Variants in GRM7 observed in about 807,000 individuals in gnomAD.
GRM7 encodes glutamate metabotropic receptor 7, also known as metabotropic glutamate receptor 7.
A neutral mutation model predicts 84.5 loss-of-function variants in GRM7; 35 were observed. The observed-to-expected ratio is 0.41, with a 90% CI of 0.32 to 0.55. The LOEUF is 0.55. Ranked by LOEUF, GRM7 falls within the 20% of genes least tolerant of loss-of-function variation. GRM7 has a pLI of 0.19. For synonymous variants in GRM7, 487 were observed against 455.1 expected (o/e 1.07, Z -0.89); for missense variants, 1,003 against 1,194.6 (o/e 0.84, Z 2.36).
chr3:7,461,528 G>A (rs1174286834), intron 6 of GRM7, 55 bp from the exon 7 acceptor site: 26 of 1,423,102 alleles, frequency 1.8e-5, no homozygotes, highest in Non-Finnish European at 2.5e-5. Context: ...TAGTACAAGA[G>A]ATATAAGGAA....
At chr3:7,592,032 TA>T (rs1170611578) in intron 8 of GRM7, among the ~76,000 whole-genome samples, 1 of 152,166 alleles carries the variant, frequency 6.6e-6, no homozygotes, top group Non-Finnish European at 1.5e-5. Flanking sequence ...ATTTGTCTCA[TA>T]AGGTTTTCAT....
At position 7,325,971 on chromosome 3, in the gene GRM7, A is replaced by G. The variant is rs985755739; in HGVS notation, c.1033+19319A>G. Among the ~76,000 whole-genome samples the G allele has an allele frequency of 5.9e-5, 9 of 152,262 alleles. No homozygotes were observed. The South Asian group carries it at 1.2e-3, about 21-fold the overall frequency. Reference sequence around the variant, plus strand: ...GAATGTGTGTTTCATCGTAATGAGTAACTACTTAAGGAAGCATCCATAATA... The same window carrying G: ...GAATGTGTGTTTCATCGTAATGAGTGACTACTTAAGGAAGCATCCATAATA... On this transcript the variant is annotated intron_variant, in intron 4 of 9. Transcript: ENST00000357716.
intron 2 of GRM7, 99 bp from the exon 3 acceptor site, chr3:7,298,585 A>C: frequency 1.1e-6 from 1 of 944,590 alleles, no homozygotes; most frequent in Non-Finnish European, 1.7e-6. Context: ...GAAGTATTGC[A>C]TATCCGGGAT....
At chr3:7,266,548 G>A (rs1371828817) in intron 2 of GRM7, among the ~76,000 whole-genome samples, 3 of 152,126 alleles carry the variant, frequency 2.0e-5, no homozygotes, top group African/African-American at 4.8e-5. Flanking sequence ...AGCAGTGCCT[G>A]AATACTGTTA....
rs548859956 is a variant in GRM7, at chr3:6,913,639, C to A, written c.519+51732C>A. Among the ~76,000 whole-genome samples, 347 of 152,270 alleles carry A rather than the reference C, an allele frequency of 2.3e-3. 1 individual carries two copies. The highest frequency in any genetic ancestry group is 4.3e-3 in the Non-Finnish European group (292 of 68,014). On this transcript the variant is annotated intron_variant, in intron 1 of 9. Transcript: ENST00000357716. ...CATTTCTGGGTCTAGTTATAATAAA[C>A]CTTTTGGTTTCATTCTTTATTCATA... is the stretch of plus-strand genomic sequence containing the variant.
intron 5 of GRM7, among the ~76,000 whole-genome samples, chr3:7,425,484 A>G (rs1273335646): frequency 6.6e-6 from 1 of 152,176 alleles, no homozygotes; most frequent in Non-Finnish European, 1.5e-5. Context: ...TAGGCCAAAC[A>G]CAAGTCGGCA....
intron 1 of GRM7, among the ~76,000 whole-genome samples, chr3:6,898,815 C>G (rs1026540194): frequency 1.2e-4 from 15 of 120,546 alleles, no homozygotes; most frequent in African/African-American, 6.0e-4. Flanking sequence ...GAGATTCTAT[C>G]TCAAAAAAAC....
chr3:7,075,746 G>A lies in GRM7; in HGVS notation c.520-70706G>A, dbSNP rs186690616. On this transcript the variant is annotated intron_variant, in intron 1 of 9. Transcript: ENST00000357716. ...TCACCATGTTGGCCAGGCTGGTTTC[G>A]AACTCCTGACCTCAGGTGATCTGCC... Among the ~76,000 whole-genome samples the A allele has an allele frequency of 4.8e-3, 730 of 152,076 alleles. 9 individuals carry two copies. Among genetic ancestry groups the A allele is most frequent in the African/African-American group, 0.017 (698 of 41,482 alleles).
At chr3:7,581,571 C>T (rs1459247330) in intron 8 of GRM7, among the ~76,000 whole-genome samples, 2 of 152,050 alleles carry the variant, frequency 1.3e-5, no homozygotes, top group African/African-American at 2.4e-5. Context: ...TGGAAAGTGG[C>T]CAATTATCAA....
chr3:6,968,051 A>G (rs146940464), intron 1 of GRM7, among the ~76,000 whole-genome samples: 23 of 152,358 alleles, frequency 1.5e-4, no homozygotes, highest in African/African-American at 5.5e-4. Flanking sequence ...ACAAAGCACT[A>G]CAAACTGGGT....
intron 2 of GRM7, among the ~76,000 whole-genome samples, chr3:7,272,004 G>C (rs1698882503): frequency 6.6e-6 from 1 of 152,082 alleles, no homozygotes; most frequent in Admixed American, 6.5e-5. Flanking sequence ...GGAGGAAAAG[G>C]CCTATCAGGA....
rs34317607 is a variant in GRM7, at chr3:7,471,208, TA to T, written c.1515+9497del. On this transcript the variant is annotated intron_variant, in intron 7 of 9. Transcript: ENST00000357716. The stretch of plus-strand genomic sequence containing the variant: ...TTGTATTAGTTTTTTATTGCTGCTG[TA>T]AAAAAAAAAATTACCGCTAATTTAG... Among the ~76,000 whole-genome samples the T allele has an allele frequency of 3.7e-3, 545 of 148,642 alleles. 4 individuals are homozygous for T. The highest frequency in any genetic ancestry group is 0.012 in the African/African-American group (490 of 40,602).
intron 1 of GRM7, among the ~76,000 whole-genome samples, chr3:7,046,480 A>G (rs1446000876): frequency 6.6e-6 from 1 of 152,156 alleles, no homozygotes; most frequent in Non-Finnish European, 1.5e-5. Flanking sequence ...ATAGTGGGAC[A>G]ATGAACTCAT....
chr3:7,207,076 G>A (rs1309054849), intron 2 of GRM7, among the ~76,000 whole-genome samples: 1 of 152,166 alleles, frequency 6.6e-6, no homozygotes, highest in Non-Finnish European at 1.5e-5. Flanking sequence ...AAGAGAAATA[G>A]AAGAAAACAG....
intron 9 of GRM7, among the ~76,000 whole-genome samples, chr3:7,699,928 A>G (rs1012376904): frequency 7.9e-5 from 12 of 152,260 alleles, no homozygotes; most frequent in South Asian, 2.1e-4. Flanking sequence ...TGAAACAAAC[A>G]TCTTCCCATC....
chr3:7,088,607 A>G (rs1468386865), intron 1 of GRM7, among the ~76,000 whole-genome samples: 1 of 148,754 alleles, frequency 6.7e-6, no homozygotes, highest in Non-Finnish European at 1.5e-5. Context: ...AAAAACAAAC[A>G]TGGATCGTTG....
rs34132725 is a variant in GRM7 at position 6,878,378 on chromosome 3, CGTGTGTGTGT to C, written c.519+16500_519+16509del. Among the ~76,000 whole-genome samples, 11 of 142,056 alleles carry C rather than the reference CGTGTGTGTGT, an allele frequency of 7.7e-5. 1 individual carries two copies. Among genetic ancestry groups the C allele is most frequent in the African/African-American group, 2.1e-4 (8 of 38,394 alleles). 93.2% of individuals were successfully genotyped at this position (142,056 alleles called of 152,430 possible). On this transcript the variant is annotated intron_variant, in intron 1 of 9. Transcript: ENST00000357716. ...CAAAGGGTGATTTTTTATGTGTTTG[CGTGTGTGTGT>C]GTGTGTGTGTGTGTGTGTGTGTGTG...
intron 1 of GRM7, among the ~76,000 whole-genome samples, chr3:6,935,542 T>A (rs550863908): frequency 6.6e-6 from 1 of 152,090 alleles, no homozygotes; most frequent in East Asian, 1.9e-4. Flanking sequence ...CCTTTTTACC[T>A]GCTCTGTGAA....
rs377437535 is a variant in GRM7 at position 7,146,504 on chromosome 3, G to C, written c.572G>C (p.Arg191Pro). 1 of 1,613,814 alleles carries C rather than the reference G, an allele frequency of 6.2e-7. No individual in the cohort carries two copies. The highest frequency in any genetic ancestry group is 8.5e-7 in the Non-Finnish European group (1 of 1,179,970). Residue 191 changes from arginine to proline, a missense_variant, in exon 2 of 10, where the codon CGC (arginine) becomes CCC (proline). Arg to Pro is a moderately radical substitution (Grantham distance 103, BLOSUM62 -2). Transcript: ENST00000357716. ...GCACCCGAGCTAAGTGATGACCGGC[G>C]CTATGACTTCTTCTCTCGCGTGGTG... ...STAPELSDDR[R>P]YDFFSRVVPP...
Sources: gnomAD v4.1 joint callset for allele counts (sites outside exome capture counted in the v4.1 genomes callset) on GRCh38, gnomAD v4.1.1 for gene constraint, MANE v1.5 for transcripts, NCBI Gene and HGNC (gene_info 2026-07-23, HGNC 2026-07-21) for gene names.